TRAPPC9: variants seen among roughly 807,000 people sequenced by gnomAD.
The protein encoded by TRAPPC9 is trafficking protein particle complex subunit 9.
Under a neutral mutation model 124.0 loss-of-function variants are expected in TRAPPC9, and 83 were observed. The observed-to-expected ratio is 0.67, with a 90% CI of 0.56 to 0.80. The LOEUF (loss-of-function observed/expected upper bound fraction) is 0.80. Ranked by LOEUF, TRAPPC9 falls within the 30% of genes least tolerant of loss-of-function variation. The pLI is 0.00. For synonymous variants in TRAPPC9, 638 were observed against 617.5 expected (o/e 1.03, Z -0.49); for missense variants, 1,302 against 1,508.3 (o/e 0.86, Z 2.27).
chr8:139,958,537 C>T (rs1356792595), intron 19 of TRAPPC9, among the ~76,000 whole-genome samples: 1 of 152,182 alleles, frequency 6.6e-6, no homozygotes, highest in African/African-American at 2.4e-5. Flanking sequence ...TCTGTTATCC[C>T]GACTGCACTC....
At chr8:140,159,935 C>T (rs532017264) in intron 17 of TRAPPC9, among the ~76,000 whole-genome samples, 18 of 152,218 alleles carry the variant, frequency 1.2e-4, no homozygotes, top group South Asian at 2.1e-4. Context: ...GAATCTACAA[C>T]GAACTTAAAC....
At chr8:140,045,632 A>G (rs1014174110) in intron 17 of TRAPPC9, among the ~76,000 whole-genome samples, 4 of 67,080 alleles carry the variant, frequency 6.0e-5, no homozygotes, top group Admixed American at 2.9e-4. Context: ...ATCTCGGCAG[A>G]AAAAAAAAAA....
chr8:140,356,039 C>T (rs923949501), intron 9 of TRAPPC9, among the ~76,000 whole-genome samples: 45 of 152,306 alleles, frequency 3.0e-4, no homozygotes, highest in African/African-American at 1.0e-3. Context: ...TGAGAACCCT[C>T]GCTGTATTTT....
chr8:140,025,172 G>A (rs1840065686), intron 17 of TRAPPC9, among the ~76,000 whole-genome samples: 1 of 152,174 alleles, frequency 6.6e-6, no homozygotes, highest in Non-Finnish European at 1.5e-5. Flanking sequence ...TGTGGAGCCT[G>A]GGGGCACCCA....
intron 17 of TRAPPC9, among the ~76,000 whole-genome samples, chr8:140,207,160 T>C (rs890101567): frequency 6.6e-6 from 1 of 152,176 alleles, no homozygotes; most frequent in Non-Finnish European, 1.5e-5. Flanking sequence ...GAACTCCTGT[T>C]GACATACTAA....
chr8:140,386,272 T>C (rs1048997665), intron 7 of TRAPPC9, among the ~76,000 whole-genome samples: 8 of 152,132 alleles, frequency 5.3e-5, no homozygotes, highest in Admixed American at 1.3e-4. Flanking sequence ...CAGGGATGCC[T>C]TCTCTCACCA....
At chr8:139,893,808 T>C (rs559149868) in intron 20 of TRAPPC9, among the ~76,000 whole-genome samples, 31 of 152,212 alleles carry the variant, frequency 2.0e-4, no homozygotes, top group African/African-American at 6.5e-4. Context: ...CCGTCTAACA[T>C]GTGAGGGGAC....
chr8:140,164,763 T>C (rs982038490), intron 17 of TRAPPC9, among the ~76,000 whole-genome samples: 2 of 152,082 alleles, frequency 1.3e-5, no homozygotes, highest in Non-Finnish European at 2.9e-5. Flanking sequence ...GCCACACAAG[T>C]CAGGAACCAA....
chr8:140,010,314 G>T (rs1839038345), intron 18 of TRAPPC9, among the ~76,000 whole-genome samples: 1 of 152,108 alleles, frequency 6.6e-6, no homozygotes, highest in Admixed American at 6.6e-5. Flanking sequence ...AAATCAAGGA[G>T]AACACATGTC....
intron 17 of TRAPPC9, among the ~76,000 whole-genome samples, chr8:140,079,223 C>A (rs898720310): frequency 2.6e-5 from 4 of 152,160 alleles, no homozygotes; most frequent in African/African-American, 7.2e-5. Flanking sequence ...GTCCATTAAA[C>A]CTCTTTCCTT....
chr8:140,215,025 G>A (rs1039667288), intron 17 of TRAPPC9, among the ~76,000 whole-genome samples: 2 of 152,130 alleles, frequency 1.3e-5, no homozygotes, highest in Non-Finnish European at 2.9e-5. Flanking sequence ...TGCCCCTACA[G>A]CAATAGATGT....
At chr8:140,405,735 C>T (rs2069467041) in intron 5 of TRAPPC9, 37 bp from the exon 6 acceptor site, 2 of 1,612,832 alleles carry the variant, frequency 1.2e-6, no homozygotes, top group East Asian at 2.2e-5. Context: ...TAATCTTTTG[C>T]TTTTTCTGTA....
chr8:140,129,836 T>A (rs2061172173), intron 17 of TRAPPC9, among the ~76,000 whole-genome samples: 1 of 152,130 alleles, frequency 6.6e-6, no homozygotes, highest in African/African-American at 2.4e-5. Flanking sequence ...GATAGACGAA[T>A]AGAAATGTAA....
At chr8:139,913,476 C>T (rs1264661633) in intron 19 of TRAPPC9, among the ~76,000 whole-genome samples, 1 of 152,228 alleles carries the variant, frequency 6.6e-6, no homozygotes. Context: ...TTGTCTTGAG[C>T]TTTACTTGGC....
chr8:140,221,388 C>A (rs1208311544), intron 17 of TRAPPC9, 71 bp downstream of exon 17: 3 of 1,602,584 alleles, frequency 1.9e-6, no homozygotes, highest in Non-Finnish European at 2.6e-6. Flanking sequence ...GGACTCAGAG[C>A]TGTGCTTCAG....
At chr8:139,811,584 C>T (rs1824447580) in intron 21 of TRAPPC9, among the ~76,000 whole-genome samples, 2 of 152,190 alleles carry the variant, frequency 1.3e-5, no homozygotes, top group Admixed American at 1.3e-4. Flanking sequence ...AAGCAGGTCA[C>T]CTGCAAAGGA....
intron 7 of TRAPPC9, among the ~76,000 whole-genome samples, chr8:140,383,799 C>T (rs538397463): frequency 2.0e-5 from 3 of 152,140 alleles, no homozygotes; most frequent in East Asian, 3.9e-4. Context: ...TTCAAATTCA[C>T]GAAATACAGA....
intron 21 of TRAPPC9, among the ~76,000 whole-genome samples, chr8:139,754,373 T>C (rs1819556237): frequency 6.6e-6 from 1 of 152,228 alleles, no homozygotes; most frequent in Non-Finnish European, 1.5e-5. Context: ...GGAGTGCAGC[T>C]GGTCTGAAAA....
chr8:140,281,235 C>T (rs2065312762), intron 14 of TRAPPC9, among the ~76,000 whole-genome samples: 1 of 152,168 alleles, frequency 6.6e-6, no homozygotes, highest in African/African-American at 2.4e-5. Context: ...AAAGGGATGT[C>T]CCATCAGCAT....
Sources: gnomAD v4.1 joint callset for allele counts (sites outside exome capture counted in the v4.1 genomes callset) on GRCh38, gnomAD v4.1.1 for gene constraint, MANE v1.5 for transcripts, NCBI Gene and HGNC (gene_info 2026-07-23, HGNC 2026-07-21) for gene names.